CDC73: variants seen among roughly 807,000 people sequenced by gnomAD.
CDC73 encodes the protein cell division cycle 73, also known as parafibromin.
In CDC73, 21 loss-of-function variants were observed where a neutral mutation model predicts 83.7. That is an observed-to-expected ratio of 0.25 (90% CI 0.18 to 0.36). The LOEUF is 0.36. Among genes scored for constraint, CDC73 ranks in the 10% least tolerant of loss-of-function variants. The pLI, the probability that CDC73 is intolerant of heterozygous loss-of-function variation, is 1.00. For synonymous variants in CDC73, 224 were observed against 212.9 expected (o/e 1.05, Z -0.45); for missense variants, 342 against 653.3 (o/e 0.52, Z 5.19).
chr1:193,136,408 AT>A, intron 5 of CDC73: 2 of 203,440 alleles, frequency 9.8e-6, no homozygotes, highest in South Asian at 5.3e-5. Context: ...TGGATCTGAT[AT>A]TTTTAAGAGA....
intron 15 of CDC73, among the ~76,000 whole-genome samples, chr1:193,248,825 TGGATGA>T (rs1291281764): frequency 6.6e-6 from 1 of 152,082 alleles, no homozygotes; most frequent in Non-Finnish European, 1.5e-5. Flanking sequence ...GGAACTTGAA[TGGATGA>T]GGAGTTCCTT....
In CDC73 at chr1:193,147,972, A is replaced by G. The variant is rs1257090763; in HGVS notation, c.828+7A>G. ...CCCAAATGCAGCACCTGTGGTAAGA[A>G]TGCTTTACTGCTTTACAGTAGATTT... On this transcript the variant is annotated splice_region_variant and intron_variant, in intron 8 of 16. Transcript: ENST00000367435. 1 of 1,578,368 alleles carries G rather than the reference A, an allele frequency of 6.3e-7. No individual in the cohort carries two copies. The highest frequency in any genetic ancestry group is 1.1e-5 in the South Asian group (1 of 90,308).
intron 10 of CDC73, among the ~76,000 whole-genome samples, chr1:193,188,167 G>A (rs1676852686): frequency 6.6e-6 from 1 of 152,142 alleles, no homozygotes; most frequent in African/African-American, 2.4e-5. Context: ...CAGATTGCGT[G>A]CTAAGCTTAC....
At chr1:193,139,240 C>T (rs1223957427) in intron 6 of CDC73, among the ~76,000 whole-genome samples, 1 of 151,712 alleles carries the variant, frequency 6.6e-6, no homozygotes, top group Non-Finnish European at 1.5e-5. Flanking sequence ...TAGTCTCCAG[C>T]ATTGTAGTTT....
At chr1:193,192,026 A>T (rs948418287) in intron 10 of CDC73, among the ~76,000 whole-genome samples, 3 of 152,232 alleles carry the variant, frequency 2.0e-5, no homozygotes, top group African/African-American at 7.2e-5. Context: ...AAATTCAAGT[A>T]TATGTAAAAT....
intron 10 of CDC73, among the ~76,000 whole-genome samples, chr1:193,173,307 A>C (rs1402625077): frequency 6.6e-6 from 1 of 152,182 alleles, no homozygotes; most frequent in Non-Finnish European, 1.5e-5. Flanking sequence ...GTGATCTTCC[A>C]TCTTCCCATC....
chr1:193,194,619 G>A (rs1420852615), intron 10 of CDC73, among the ~76,000 whole-genome samples: 1 of 152,096 alleles, frequency 6.6e-6, no homozygotes, highest in African/African-American at 2.4e-5. Context: ...TAAGATATGA[G>A]ATCATTATAG....
chr1:193,169,434 G>A (rs140211821), intron 10 of CDC73, among the ~76,000 whole-genome samples: 1,861 of 152,194 alleles, frequency 0.012, 19 homozygotes, highest in South Asian at 0.034. Flanking sequence ...GATCCCAGCT[G>A]CTAAAGAGGC....
chr1:193,148,377 G>C (rs1297942198), intron 8 of CDC73, among the ~76,000 whole-genome samples: 1 of 152,140 alleles, frequency 6.6e-6, no homozygotes, highest in Non-Finnish European at 1.5e-5. Flanking sequence ...TTGATCACCA[G>C]CCATGCTGTC....
chr1:193,166,795 G>C (rs1676442401), intron 10 of CDC73, among the ~76,000 whole-genome samples: 1 of 151,866 alleles, frequency 6.6e-6, no homozygotes, highest in Non-Finnish European at 1.5e-5. Flanking sequence ...TTACAGTTAT[G>C]CGCCACCACG....
chr1:193,163,201 T>C (rs369752070), intron 10 of CDC73, among the ~76,000 whole-genome samples: 215 of 151,050 alleles, frequency 1.4e-3, no homozygotes, highest in African/African-American at 3.8e-3. Flanking sequence ...ATTTTTTTTT[T>C]CCCCCTCCTA....
chr1:193,159,466 G>A (rs978424537), intron 10 of CDC73, among the ~76,000 whole-genome samples: 1 of 152,080 alleles, frequency 6.6e-6, no homozygotes, highest in African/African-American at 2.4e-5. Flanking sequence ...CGTCTCCTGG[G>A]TTCAGGTGAT....
At chr1:193,126,912 A>T (rs1158345778) in intron 2 of CDC73, among the ~76,000 whole-genome samples, 1 of 152,246 alleles carries the variant, frequency 6.6e-6, no homozygotes, top group East Asian at 1.9e-4. Context: ...CCTCCCTCCC[A>T]ACTAGAAATA....
At position 193,188,550 on chromosome 1, in the gene CDC73, T is replaced by G. The variant is rs960505988; in HGVS notation, c.973-15245T>G. 2.6e-5 allele frequency among the ~76,000 whole-genome samples: 4 copies of G among 152,298 alleles called. 1 individual carries two copies. Among genetic ancestry groups the G allele is most frequent in the South Asian group, 4.1e-4 (2 of 4,824 alleles). ...TTTCAACAGGTACATATTGATTAACTACTGTGTACCAACATGTGCATTTAG... is the reference window on the plus strand; with the variant it reads ...TTTCAACAGGTACATATTGATTAACGACTGTGTACCAACATGTGCATTTAG... On this transcript the variant is annotated intron_variant, in intron 10 of 16. Coordinates refer to ENST00000367435, the MANE Select transcript of CDC73 (RefSeq NM_024529.5).
intron 13 of CDC73, among the ~76,000 whole-genome samples, chr1:193,218,138 C>G (rs1677402267): frequency 6.6e-6 from 1 of 152,134 alleles, no homozygotes. Flanking sequence ...CTCAAGAATT[C>G]AGTCCTATTC....
chr1:193,132,102 T>G (rs1157553065), intron 3 of CDC73, among the ~76,000 whole-genome samples: 1 of 152,208 alleles, frequency 6.6e-6, no homozygotes, highest in Non-Finnish European at 1.5e-5. Context: ...TACAAGTACA[T>G]TGATATAATA....
intron 1 of CDC73, among the ~76,000 whole-genome samples, chr1:193,123,302 A>G (rs746868649): frequency 5.9e-5 from 9 of 152,182 alleles, no homozygotes; most frequent in Non-Finnish European, 1.3e-4. Flanking sequence ...ATCTTGGCTC[A>G]CTGCAATCTT....
intron 11 of CDC73, 36 bp from the exon 12 acceptor site, chr1:193,212,029 A>G (rs538704159): frequency 1.3e-6 from 2 of 1,516,464 alleles, no homozygotes; most frequent in South Asian, 2.4e-5. Context: ...TATGGTTTTT[A>G]TGACACAGAG....
chr1:193,179,179 C>G (rs1439890824), intron 10 of CDC73: 1 of 152,086 alleles, frequency 6.6e-6, no homozygotes, highest in Admixed American at 6.5e-5. Flanking sequence ...ATTGGTGATT[C>G]AGAATATTTG....
Sources: gnomAD v4.1 joint callset for allele counts (sites outside exome capture counted in the v4.1 genomes callset) on GRCh38, gnomAD v4.1.1 for gene constraint, MANE v1.5 for transcripts, NCBI Gene and HGNC (gene_info 2026-07-23, HGNC 2026-07-21) for gene names.